Variants in DIDO1 observed in about 807,000 individuals in gnomAD.
DIDO1 encodes death inducer-obliterator 1.
DIDO1 carries 16 observed loss-of-function variants against 99.4 expected under a neutral mutation model. That is an observed-to-expected ratio of 0.16 (90% CI 0.11 to 0.24). The LOEUF (loss-of-function observed/expected upper bound fraction) is 0.24. DIDO1 is among the 10% of genes least tolerant of loss of function. The probability of loss-of-function intolerance (pLI) is 1.00; values close to 1 mark genes in which losing one functional copy is unlikely to be tolerated. For synonymous variants in DIDO1, 1,366 were observed against 1,239.1 expected (o/e 1.10, Z -2.15); for missense variants, 2,996 against 3,014.0 (o/e 0.99, Z 0.14).
In DIDO1 at chr20:62,896,424, G is replaced by A. The variant is rs199628280; in HGVS notation, c.2055-32C>T. 32 of 1,602,552 alleles carry A rather than the reference G, an allele frequency of 2.0e-5. No individual in the cohort carries two copies. In the Middle Eastern group the frequency reaches 9.9e-4, roughly 50 times the overall value. On this transcript the variant is annotated intron_variant, in intron 7 of 15. Coordinates refer to ENST00000395343, the MANE Select transcript of DIDO1 (RefSeq NM_001193369.2). This position sits in a 1 kb window ranked among gnomAD's most constrained non-coding sequence, Gnocchi z 4.4. ...AGAATAAAAAAAAGGAACTACATAA[G>A]ACACTTGTGTATATTAAACTTTTTG...
At chr20:62,925,084 T>G (rs1198933612) in intron 1 of DIDO1, among the ~76,000 whole-genome samples, 1 of 152,104 alleles carries the variant, frequency 6.6e-6, no homozygotes, top group Admixed American at 6.5e-5. Flanking sequence ...GTATTTAAAA[T>G]AGTGAAATAG....
chr20:62,918,917 C>A (rs2065085820), intron 1 of DIDO1, among the ~76,000 whole-genome samples: 1 of 152,158 alleles, frequency 6.6e-6, no homozygotes, highest in African/African-American at 2.4e-5. Flanking sequence ...ATGAAAGACT[C>A]TTGATAGCTC....
chr20:62,907,380 C>T lies in DIDO1; in HGVS notation c.1162-21G>A. ...ATCACCTGCAGAACAAAACAGATGA[C>T]TTCAAACAATGTACTTGCCAATTTT... On this transcript the variant is annotated intron_variant, in intron 4 of 15. Coordinates refer to ENST00000395343, the MANE Select transcript of DIDO1 (RefSeq NM_001193369.2). 3 of 1,608,690 alleles carry T rather than the reference C, an allele frequency of 1.9e-6. 1 individual carries two copies. In the South Asian group the frequency reaches 3.3e-5, roughly 18 times the overall value.
In DIDO1 at chr20:62,887,741, GAA is replaced by G. The variant is rs1326084058; in HGVS notation, c.3541+3217_3541+3218del. ...TCAACCTGACTCATCTCCCTTCCAT[GAA>G]CAAGGCCCTGAGACAGGCCGGGACT... On this transcript the variant is annotated intron_variant, in intron 15 of 15. Coordinates refer to ENST00000395343, the MANE Select transcript of DIDO1 (RefSeq NM_001193369.2). The G allele has an allele frequency of 7.1e-6, 7 of 985,370 alleles. No homozygotes were observed. The East Asian group carries it at 7.9e-4, about 112-fold the overall frequency. 61.0% of individuals were successfully genotyped at this position (985,370 alleles called of 1,614,324 possible). A position where few individuals can be genotyped will look rare whatever the true frequency, so the allele number is the denominator to read the frequency against.
intron 6 of DIDO1, among the ~76,000 whole-genome samples, chr20:62,900,753 T>C (rs1021905438): frequency 6.6e-6 from 1 of 152,206 alleles, no homozygotes; most frequent in Non-Finnish European, 1.5e-5. Context: ...CTGGCTGGTT[T>C]AGGGAAGCTG....
intron 1 of DIDO1, among the ~76,000 whole-genome samples, chr20:62,919,312 G>A (rs1395727453): frequency 3.3e-5 from 5 of 152,186 alleles, no homozygotes; most frequent in Non-Finnish European, 7.3e-5. Context: ...GCTGAGGCAG[G>A]TGGATCACCT....
chr20:62,916,701 T>C (rs1216216366), intron 1 of DIDO1, among the ~76,000 whole-genome samples: 1 of 152,120 alleles, frequency 6.6e-6, no homozygotes, highest in Non-Finnish European at 1.5e-5. Context: ...TCCCATAGAG[T>C]GTTTCAGCTA....
At chr20:62,915,454 CTT>C (rs1406101480) in intron 1 of DIDO1, among the ~76,000 whole-genome samples, 1 of 152,154 alleles carries the variant, frequency 6.6e-6, no homozygotes, top group East Asian at 1.9e-4. Flanking sequence ...TGGAAATAAA[CTT>C]TTATATTTTG....
intron 6 of DIDO1, among the ~76,000 whole-genome samples, chr20:62,902,665 C>T (rs1410686066): frequency 6.6e-6 from 1 of 152,208 alleles, no homozygotes; most frequent in Admixed American, 6.5e-5. Flanking sequence ...GAACGGTGTT[C>T]TCCGTCCATT....
intron 13 of DIDO1, 99 bp downstream of exon 13, chr20:62,892,710 C>G (rs1273347038): frequency 1.4e-6 from 2 of 1,444,486 alleles, no homozygotes; most frequent in Non-Finnish European, 1.9e-6. Context: ...CTGTTTCTCT[C>G]CTACCTCATG....
rs994305563 is a variant in DIDO1 at position 62,878,321 on chromosome 20, A to G, written c.*912T>C. The G allele has an allele frequency of 6.6e-6, 1 of 152,242 alleles. No individual in the cohort carries two copies. The highest frequency in any genetic ancestry group is 1.5e-5 in the Non-Finnish European group (1 of 68,046). 9.4% of individuals were successfully genotyped at this position (152,242 alleles called of 1,614,324 possible). On this transcript the variant is annotated 3_prime_UTR_variant, in exon 16 of 16. Transcript: ENST00000395343. ...ATTTGCAGTTCTTGAGCTAGTGATCACTAGTTCCCGTCTCAGACTTTACAC... is the reference window on the plus strand; with the variant it reads ...ATTTGCAGTTCTTGAGCTAGTGATCGCTAGTTCCCGTCTCAGACTTTACAC...
chr20:62,891,329 T>G (rs2064393436), intron 14 of DIDO1, among the ~76,000 whole-genome samples, 174 bp from the exon 15 acceptor site: 2 of 152,154 alleles, frequency 1.3e-5, no homozygotes, highest in South Asian at 4.1e-4. Context: ...AGCCCAGCAG[T>G]GTCTGGAGCC....
At chr20:62,895,257 G>A in intron 8 of DIDO1, 92 bp from the exon 9 acceptor site, 4 of 1,213,888 alleles carry the variant, frequency 3.3e-6, no homozygotes, top group Non-Finnish European at 4.8e-6. Flanking sequence ...CAGAAGTTTA[G>A]CGGGCACAGG....
chr20:62,936,847 G>A (rs2065391953), intron 1 of DIDO1, among the ~76,000 whole-genome samples: 1 of 152,284 alleles, frequency 6.6e-6, no homozygotes, highest in African/African-American at 2.4e-5. Context: ...CTGGGCGAGA[G>A]TGAGACTTCG....
chr20:62,929,687 G>GAAAAAAAAA (rs1387806644), upstream of DIDO1, among the ~76,000 whole-genome samples: 6 of 58,112 alleles, frequency 1.0e-4, 1 homozygote, highest in African/African-American at 8.7e-4. Flanking sequence ...CCAGAAAAAA[G>GAAAAAAAAA]AAAAAGTGTA....
Position 62,888,543 on chromosome 20 carries a change from TCAC to T in DIDO1, c.3541+2414_3541+2416del, listed in dbSNP as rs2064336465. The stretch of plus-strand genomic sequence containing the variant: ...CACCCCTGACCACAGCTCTGTGGAG[TCAC>T]CACCATCAGCACCCTCAGGTGTGGC... On this transcript the variant is annotated intron_variant, in intron 15 of 15. Transcript: ENST00000395343. 6.1e-6 allele frequency: 6 copies of T among 985,280 alleles called. No individual in the cohort carries two copies. The South Asian group carries it at 2.3e-4, about 39-fold the overall frequency. The allele number at this position is 985,280 out of a possible 1,614,324, so 61.0% of individuals were successfully genotyped here.
At chr20:62,933,260 A>C (rs2065349257) in intron 1 of DIDO1, among the ~76,000 whole-genome samples, 1 of 152,172 alleles carries the variant, frequency 6.6e-6, no homozygotes, top group Admixed American at 6.5e-5. Context: ...CTAAATAGTA[A>C]AATTCTTCCT....
chr20:62,918,071 G>A (rs112387805), intron 1 of DIDO1, among the ~76,000 whole-genome samples: 2,636 of 152,236 alleles, frequency 0.017, 75 homozygotes, highest in African/African-American at 0.06. Flanking sequence ...TTCCACAAGG[G>A]TTCTGTAACT....
At position 62,893,799 on chromosome 20, in the gene DIDO1, G is replaced by C; in HGVS notation, c.2968C>G (p.His990Asp). ...ACATCCTGTCTGGCTTCCACCATGT[G>C]GGTGCTGTCTGGGCGGGATGCTGCG... Reference protein sequence around the residue: ...ASAASRPDSTHMVEARQDVPK... With the variant: ...ASAASRPDSTDMVEARQDVPK... Residue 990 changes from histidine (H) to aspartate (D), a missense_variant, in exon 12 of 16, where the codon CAC becomes GAC. His to Asp is a moderately conservative substitution (Grantham distance 81). Transcript: ENST00000395343. 1 of 1,614,188 alleles carries C rather than the reference G, an allele frequency of 6.2e-7. No homozygotes were observed. Among genetic ancestry groups the C allele is most frequent in the Admixed American group, 1.7e-5 (1 of 60,024 alleles).
Sources: allele counts gnomAD v4.1 joint callset (sites outside exome capture counted in the v4.1 genomes callset), GRCh38; gene constraint gnomAD v4.1.1; non-coding constraint Gnocchi (gnomAD v3.1); transcripts MANE v1.5; gene names NCBI Gene and HGNC (gene_info 2026-07-23, HGNC 2026-07-21).